Variants in DSCAM observed in about 807,000 individuals in gnomAD.
The protein encoded by DSCAM is cell adhesion molecule DSCAM.
DSCAM carries 47 observed loss-of-function variants against 217.7 expected under a neutral mutation model. The observed-to-expected ratio is 0.22, with a 90% CI of 0.17 to 0.28. DSCAM has a LOEUF of 0.28. Among genes scored for constraint, DSCAM ranks in the 10% least tolerant of loss-of-function variants. DSCAM has a pLI of 1.00. For missense variants in DSCAM, 2,080 were observed against 2,618.3 expected, an observed-to-expected ratio of 0.79 and a Z score of 4.49; for synonymous variants, 1,056 against 1,015.3, an observed-to-expected ratio of 1.04 and a Z score of -0.76.
At chr21:40,021,575 C>T (rs2088273495) in intron 32 of DSCAM, among the ~76,000 whole-genome samples, 1 of 152,192 alleles carries the variant, frequency 6.6e-6, no homozygotes, top group African/African-American at 2.4e-5. Flanking sequence ...GCTGCTTTGA[C>T]TTCCGCCTTG....
At chr21:40,517,489 A>G (rs1180421169) in intron 3 of DSCAM, among the ~76,000 whole-genome samples, 1 of 151,736 alleles carries the variant, frequency 6.6e-6, no homozygotes, top group Non-Finnish European at 1.5e-5. Flanking sequence ...AGCCTACCAT[A>G]TAACATTGTT....
chr21:40,837,923 T>C (rs2092069866), intron 1 of DSCAM, among the ~76,000 whole-genome samples: 1 of 152,164 alleles, frequency 6.6e-6, no homozygotes, highest in Non-Finnish European at 1.5e-5. Flanking sequence ...ACAGCCGAGA[T>C]TAAAAAATAA....
intron 3 of DSCAM, among the ~76,000 whole-genome samples, chr21:40,437,146 T>C (rs941714282): frequency 1.3e-5 from 2 of 152,200 alleles, no homozygotes; most frequent in African/African-American, 2.4e-5. Flanking sequence ...GAATGTGAAA[T>C]TAAATGATTA....
intron 11 of DSCAM, among the ~76,000 whole-genome samples, chr21:40,269,499 A>G (rs754990487): frequency 3.9e-5 from 6 of 152,190 alleles, no homozygotes; most frequent in African/African-American, 4.8e-5. Flanking sequence ...CAAGACCGCA[A>G]AAGAGTTCTG....
intron 3 of DSCAM, among the ~76,000 whole-genome samples, chr21:40,519,066 T>C (rs1370305323): frequency 6.6e-6 from 1 of 152,206 alleles, no homozygotes; most frequent in Non-Finnish European, 1.5e-5. Flanking sequence ...ATGGGACTAC[T>C]GTCATACATG....
intron 3 of DSCAM, among the ~76,000 whole-genome samples, chr21:40,599,972 C>T (rs550009205): frequency 6.6e-6 from 1 of 152,230 alleles, no homozygotes; most frequent in Admixed American, 6.5e-5. Flanking sequence ...TAATAGCCTA[C>T]CAACCAAAAA....
At chr21:40,436,062 G>A (rs1418959153) in intron 3 of DSCAM, among the ~76,000 whole-genome samples, 1 of 152,148 alleles carries the variant, frequency 6.6e-6, no homozygotes, top group Non-Finnish European at 1.5e-5. Context: ...GGTAGGCTAA[G>A]TATGATGTTC....
intron 20 of DSCAM, among the ~76,000 whole-genome samples, chr21:40,100,010 G>T (rs2089729703): frequency 6.6e-6 from 1 of 152,304 alleles, no homozygotes; most frequent in African/African-American, 2.4e-5. Flanking sequence ...GGGCTGGACT[G>T]GCCACGCCTC....
intron 15 of DSCAM, among the ~76,000 whole-genome samples, chr21:40,171,040 T>C (rs1011671940): frequency 5.3e-5 from 8 of 152,218 alleles, no homozygotes; most frequent in Admixed American, 3.9e-4. Context: ...AATGTAATCA[T>C]GAATTGGGAG....
rs955216713 is a variant in DSCAM, at chr21:40,833,493, A to G, written c.43+13126T>C. Among the ~76,000 whole-genome samples, 3 of 152,218 alleles carry G rather than the reference A, an allele frequency of 2.0e-5. No individual in the cohort carries two copies. The East Asian group carries it at 5.8e-4, about 29-fold the overall frequency. ...GCGGTTAGCACACAGGATTAATCACATTATAATTTAATCATCTGATCAAAC... is the reference window on the plus strand; with the variant it reads ...GCGGTTAGCACACAGGATTAATCACGTTATAATTTAATCATCTGATCAAAC... On this transcript the variant is annotated intron_variant, in intron 1 of 32. Transcript: ENST00000400454.
chr21:40,841,461 G>A (rs1179920387), intron 1 of DSCAM, among the ~76,000 whole-genome samples: 2 of 152,214 alleles, frequency 1.3e-5, no homozygotes, highest in Non-Finnish European at 2.9e-5. Context: ...TAGTTGGGGG[G>A]AGGGGCGCGG....
chr21:40,577,651 C>T (rs1038522834), intron 3 of DSCAM, among the ~76,000 whole-genome samples: 1 of 152,050 alleles, frequency 6.6e-6, no homozygotes, highest in Non-Finnish European at 1.5e-5. Flanking sequence ...ATTCTCTCGG[C>T]CCTGAAGAAG....
At chr21:40,394,985 G>A (rs2075165669) in intron 3 of DSCAM, among the ~76,000 whole-genome samples, 1 of 152,200 alleles carries the variant, frequency 6.6e-6, no homozygotes, top group Non-Finnish European at 1.5e-5. Flanking sequence ...AGTAAAGGTA[G>A]AATTAGGTAA....
rs907099949 is a variant in DSCAM at position 40,087,268 on chromosome 21, G to A, written c.3870C>T (p.Thr1290=). 5.6e-6 allele frequency: 9 copies of A among 1,614,066 alleles called. No homozygotes were observed. In the East Asian group the frequency reaches 2.0e-4, roughly 36 times the overall value. The change falls in exon 22 of 33, where the codon ACC becomes ACT. Residue 1290 remains threonine, a synonymous_variant. Coordinates refer to ENST00000400454, the MANE Select transcript of DSCAM (RefSeq NM_001389.5). Reference sequence around the variant, plus strand: ...ATGGAGTAGTCACTGTCCCACTGAAGGTCAGGATTCGTGCAGGAGCTGAGG... The same window carrying A: ...ATGGAGTAGTCACTGTCCCACTGAAAGTCAGGATTCGTGCAGGAGCTGAGG... The part of the protein sequence containing the change: ...PLAKAPARIL[T]FSGTVTTPWM...
In DSCAM at chr21:40,201,395, G is replaced by T. The variant is rs566838295; in HGVS notation, c.2357-12157C>A. On this transcript the variant is annotated intron_variant, in intron 11 of 32. Transcript: ENST00000400454. ...TTTCTTTCTTTTTTTTTTTCCATCT[G>T]TCTGGTTCTGTACATAGGTACTATA... Among the ~76,000 whole-genome samples, 84 of 150,572 alleles carry T rather than the reference G, an allele frequency of 5.6e-4. 1 individual carries two copies. The highest frequency in any genetic ancestry group is 1.3e-3 in the Admixed American group (20 of 15,200).
At chr21:40,151,583 C>CA (rs1301993725) in intron 16 of DSCAM, among the ~76,000 whole-genome samples, 1 of 151,454 alleles carries the variant, frequency 6.6e-6, no homozygotes, top group Admixed American at 6.6e-5. Flanking sequence ...ACATGAGATG[C>CA]AAAAAAAAGA....
At position 40,394,519 on chromosome 21, in the gene DSCAM, C is replaced by T. The variant is rs372923882; in HGVS notation, c.509-25274G>A. On this transcript the variant is annotated intron_variant, in intron 3 of 32. Coordinates refer to ENST00000400454, the MANE Select transcript of DSCAM (RefSeq NM_001389.5). ...ACAATGCATCTGACTGCGTTTTAAC[C>T]GCTTCCAGAGCCCTGGCAGCTATGT... 5.9e-5 allele frequency among the ~76,000 whole-genome samples: 9 copies of T among 152,336 alleles called. No individual in the cohort carries two copies. In the East Asian group the frequency reaches 1.5e-3, roughly 26 times the overall value.
chr21:40,098,720 C>T (rs889490353), intron 20 of DSCAM, among the ~76,000 whole-genome samples: 8 of 152,164 alleles, frequency 5.3e-5, no homozygotes. Context: ...CTCAACAAAA[C>T]ATAATGTCAG....
chr21:40,541,646 A>G (rs558372272), intron 3 of DSCAM, among the ~76,000 whole-genome samples: 103 of 152,308 alleles, frequency 6.8e-4, no homozygotes, highest in African/African-American at 2.2e-3. Flanking sequence ...ATAAATGCAT[A>G]TAAGTGCGTA....
Sources: gnomAD v4.1 joint callset for allele counts (sites outside exome capture counted in the v4.1 genomes callset) on GRCh38, gnomAD v4.1.1 for gene constraint, MANE v1.5 for transcripts, NCBI Gene and HGNC (gene_info 2026-07-23, HGNC 2026-07-21) for gene names.